VEPH1: variants seen among roughly 807,000 people sequenced by gnomAD.
VEPH1 encodes ventricular zone expressed PH domain containing 1, also known as ventricular zone-expressed PH domain-containing protein homolog 1.
A neutral mutation model predicts 85.2 loss-of-function variants in VEPH1; 80 were observed. That is an observed-to-expected ratio of 0.94 (90% confidence interval 0.78 to 1.13). VEPH1 has a LOEUF of 1.13. Among genes scored for constraint, VEPH1 ranks in the 50% most tolerant of loss-of-function variants. The pLI, the probability that VEPH1 is intolerant of heterozygous loss-of-function variation, is 0.00. For missense variants in VEPH1, 955 were observed against 980.5 expected (o/e 0.97, Z 0.35); for synonymous variants, 297 against 348.0 (o/e 0.85, Z 1.63).
intron 2 of VEPH1, among the ~76,000 whole-genome samples, chr3:157,471,527 C>T (rs1460494106): frequency 6.6e-6 from 1 of 152,120 alleles, no homozygotes; most frequent in East Asian, 1.9e-4. Flanking sequence ...TGTACACTTA[C>T]AAGAACAGAG....
intron 6 of VEPH1, among the ~76,000 whole-genome samples, chr3:157,395,740 T>A (rs1730317819): frequency 6.6e-6 from 1 of 151,936 alleles, no homozygotes; most frequent in Non-Finnish European, 1.5e-5. Context: ...GGTTTGGGGG[T>A]GCAAGTGAAG....
intron 11 of VEPH1, among the ~76,000 whole-genome samples, chr3:157,290,422 G>A (rs773690411): frequency 8.5e-5 from 13 of 152,178 alleles, no homozygotes; most frequent in Admixed American, 6.5e-5. Context: ...GAGATAATAA[G>A]TATGTGTTGT....
intron 11 of VEPH1, among the ~76,000 whole-genome samples, chr3:157,307,928 T>C (rs1434471348): frequency 6.6e-6 from 1 of 151,722 alleles, no homozygotes; most frequent in Non-Finnish European, 1.5e-5. Flanking sequence ...TTTTCTTATA[T>C]TTATTCCTAG....
chr3:157,285,960 G>A (rs939122265), intron 12 of VEPH1, among the ~76,000 whole-genome samples: 7 of 152,168 alleles, frequency 4.6e-5, no homozygotes, highest in African/African-American at 1.7e-4. Context: ...GATTAAATGA[G>A]ATAAGGTGTC....
At chr3:157,317,230 G>A (rs1031193559) in intron 9 of VEPH1, 29 bp from the exon 10 acceptor site, 10 of 1,571,424 alleles carry the variant, frequency 6.4e-6, no homozygotes, top group African/African-American at 4.1e-5. Context: ...AGCGTTAAAC[G>A]TTATGGTCTT....
At chr3:157,358,108 T>C (rs1577432601) in intron 9 of VEPH1, among the ~76,000 whole-genome samples, 1 of 152,306 alleles carries the variant, frequency 6.6e-6, no homozygotes, top group African/African-American at 2.4e-5. Context: ...CATTTCTTCT[T>C]GTTATTTGGA....
chr3:157,502,632 T>A (rs1441628448), intron 1 of VEPH1, among the ~76,000 whole-genome samples: 1 of 152,224 alleles, frequency 6.6e-6, no homozygotes, highest in Non-Finnish European at 1.5e-5. Context: ...TATGACCAAC[T>A]CAAATATTTC....
intron 7 of VEPH1, among the ~76,000 whole-genome samples, chr3:157,370,765 A>G (rs1222244424): frequency 6.6e-6 from 1 of 152,212 alleles, no homozygotes; most frequent in African/African-American, 2.4e-5. Context: ...TCCATGGTTT[A>G]CTTCATTTAC....
intron 7 of VEPH1, among the ~76,000 whole-genome samples, chr3:157,373,558 T>G (rs1033010491): frequency 6.6e-6 from 1 of 152,172 alleles, no homozygotes; most frequent in African/African-American, 2.4e-5. Flanking sequence ...GGAACCAAAA[T>G]AGTGAATAGC....
chr3:157,317,010 C>T, intron 10 of VEPH1, 52 bp downstream of exon 10: 1 of 1,555,274 alleles, frequency 6.4e-7, no homozygotes, highest in East Asian at 2.3e-5. Flanking sequence ...TGATTATAAG[C>T]CCATATCCCA....
intron 11 of VEPH1, among the ~76,000 whole-genome samples, chr3:157,303,492 G>T (rs756870697): frequency 6.6e-6 from 1 of 152,042 alleles, no homozygotes; most frequent in Non-Finnish European, 1.5e-5. Context: ...TGTCTCCTCC[G>T]TGTTATTTCT....
intron 9 of VEPH1, among the ~76,000 whole-genome samples, chr3:157,330,110 T>C (rs1299287852): frequency 6.6e-6 from 1 of 152,214 alleles, no homozygotes; most frequent in Non-Finnish European, 1.5e-5. Context: ...CTTCTTTTCT[T>C]TCAAGTCTTT....
intron 8 of VEPH1, 93 bp from the exon 9 acceptor site, chr3:157,363,854 T>G: frequency 6.9e-7 from 1 of 1,446,696 alleles, no homozygotes; most frequent in Non-Finnish European, 9.3e-7. Flanking sequence ...AAAAAGTTAC[T>G]TCCTCTGGAG....
At chr3:157,425,858 C>T (rs1732716997) in intron 5 of VEPH1, among the ~76,000 whole-genome samples, 1 of 152,178 alleles carries the variant, frequency 6.6e-6, no homozygotes, top group East Asian at 1.9e-4. Flanking sequence ...CCACCAAAAT[C>T]TCATCTTGAA....
chr3:157,379,553 G>A lies in VEPH1; in HGVS notation c.1127+1603C>T, dbSNP rs1023953940. On this transcript the variant is annotated intron_variant, in intron 7 of 13. Coordinates refer to ENST00000362010, the MANE Select transcript of VEPH1 (RefSeq NM_001167912.2). ...CTCTGACTGTGACTCTTGATGGTAAGGATAGTACCTTATATCTCTTAGGAC... is the reference window on the plus strand; with the variant it reads ...CTCTGACTGTGACTCTTGATGGTAAAGATAGTACCTTATATCTCTTAGGAC... Among the ~76,000 whole-genome samples, 3 of 152,232 alleles carry A rather than the reference G, an allele frequency of 2.0e-5. No individual in the cohort carries two copies. In the East Asian group the frequency reaches 5.8e-4, roughly 29 times the overall value.
intron 4 of VEPH1, among the ~76,000 whole-genome samples, chr3:157,457,234 C>A (rs1434186816): frequency 1.3e-5 from 2 of 152,048 alleles, no homozygotes. Flanking sequence ...ATTTTTGTAT[C>A]CTGAGACTTT....
intron 2 of VEPH1, among the ~76,000 whole-genome samples, chr3:157,474,520 A>C (rs1443951618): frequency 3.9e-5 from 6 of 152,228 alleles, no homozygotes; most frequent in African/African-American, 1.4e-4. Context: ...TTTCTAGGAA[A>C]TAATTTAGTA....
intron 1 of VEPH1, among the ~76,000 whole-genome samples, chr3:157,497,338 G>A (rs180876386): frequency 9.9e-5 from 15 of 152,270 alleles, no homozygotes; most frequent in Admixed American, 6.5e-4. Context: ...AGGAGAAGAC[G>A]CTTGGAGGAA....
Position 157,364,529 on chromosome 3 carries a change from C to G in VEPH1, c.1128-17G>C. 2 of 1,607,794 alleles carry G rather than the reference C, an allele frequency of 1.2e-6. No homozygotes were observed. The highest frequency in any genetic ancestry group is 1.7e-6 in the Non-Finnish European group (2 of 1,175,244). Reference sequence around the variant, plus strand: ...ATTTTTCTCCTAAAGGAATATAAATCATTGCATTAGATGCAGGTCATATAT... The same window carrying G: ...ATTTTTCTCCTAAAGGAATATAAATGATTGCATTAGATGCAGGTCATATAT... On this transcript the variant is annotated splice_polypyrimidine_tract_variant and intron_variant, in intron 7 of 13. Coordinates refer to ENST00000362010, the MANE Select transcript of VEPH1 (RefSeq NM_001167912.2).
Sources: gnomAD v4.1 joint callset for allele counts (sites outside exome capture counted in the v4.1 genomes callset) on GRCh38, gnomAD v4.1.1 for gene constraint, MANE v1.5 for transcripts, NCBI Gene and HGNC (gene_info 2026-07-23, HGNC 2026-07-21) for gene names.